The following DCAF5 variants were observed in gnomAD, a reference collection of about 807,000 sequenced individuals.
DCAF5 encodes DDB1- and CUL4-associated factor 5.
Under a neutral mutation model 80.7 loss-of-function variants are expected in DCAF5, and 9 were observed. The ratio of observed to expected loss-of-function variants is 0.11; its 90% confidence interval spans 0.07 to 0.19. DCAF5 has a LOEUF of 0.19. Among genes scored for constraint, DCAF5 ranks in the 10% least tolerant of loss-of-function variants. The probability of loss-of-function intolerance (pLI) is 1.00; values close to 1 mark genes in which losing one functional copy is unlikely to be tolerated. For synonymous variants in DCAF5, 433 were observed against 461.9 expected (o/e 0.94, Z 0.80); for missense variants, 842 against 1,205.7 (o/e 0.70, Z 4.47).
intron 1 of DCAF5, among the ~76,000 whole-genome samples, chr14:69,127,224 C>A (rs571883877): frequency 6.6e-6 from 1 of 152,308 alleles, no homozygotes; most frequent in South Asian, 2.1e-4. Flanking sequence ...ATTGCCAAAA[C>A]TTAGAAGCAA....
intron 5 of DCAF5, among the ~76,000 whole-genome samples, chr14:69,113,955 G>A (rs2040456627): frequency 6.6e-6 from 1 of 152,016 alleles, no homozygotes; most frequent in South Asian, 2.1e-4. Context: ...AGCCCTACTG[G>A]GCAACTTTTC....
Position 69,152,515 on chromosome 14 carries a change from T to G in DCAF5, c.214+250A>C. 3.9e-6 allele frequency: 2 copies of G among 513,212 alleles called. No homozygotes were observed. The highest frequency in any genetic ancestry group is 2.3e-5 in the South Asian group (1 of 43,966). 31.8% of individuals were successfully genotyped at this position (513,212 alleles called of 1,614,324 possible). A position where few individuals can be genotyped will look rare whatever the true frequency, so the allele number is the denominator to read the frequency against. ...CTTTCAGGGCAGGCATCAGGAGAGATCACTTTGCACTTGGGATAAAGCGAA... is the reference window on the plus strand; with the variant it reads ...CTTTCAGGGCAGGCATCAGGAGAGAGCACTTTGCACTTGGGATAAAGCGAA... On this transcript the variant is annotated intron_variant, in intron 1 of 8. Coordinates refer to ENST00000341516, the MANE Select transcript of DCAF5 (RefSeq NM_003861.3). The surrounding 1 kb of genome is among the most constrained non-coding windows in gnomAD (Gnocchi z 4.1).
chr14:69,076,634 A>G (rs935073381), intron 6 of DCAF5, among the ~76,000 whole-genome samples: 2 of 152,234 alleles, frequency 1.3e-5, no homozygotes, highest in African/African-American at 4.8e-5. Context: ...AGGAGGGAGA[A>G]TGAAGAGTTA....
At chr14:69,094,338 C>T (rs2039629407) in intron 5 of DCAF5, among the ~76,000 whole-genome samples, 1 of 152,186 alleles carries the variant, frequency 6.6e-6, no homozygotes, top group East Asian at 1.9e-4. Flanking sequence ...ACCCAAGCTC[C>T]CTGACCCACC....
At chr14:69,088,317 A>T (rs555105569) in intron 6 of DCAF5, among the ~76,000 whole-genome samples, 2 of 152,272 alleles carry the variant, frequency 1.3e-5, no homozygotes, top group Admixed American at 6.5e-5. Flanking sequence ...CCTCTCTGAG[A>T]CTCAGTTTAC....
intron 5 of DCAF5, among the ~76,000 whole-genome samples, chr14:69,101,354 T>G (rs1201939430): frequency 6.6e-6 from 1 of 152,250 alleles, no homozygotes; most frequent in Non-Finnish European, 1.5e-5. Flanking sequence ...ATTGAATACC[T>G]GCTGACTATC....
chr14:69,097,835 C>T (rs910164944), intron 5 of DCAF5, among the ~76,000 whole-genome samples: 4 of 151,876 alleles, frequency 2.6e-5, no homozygotes, highest in South Asian at 4.1e-4. Flanking sequence ...GTGATCTCCC[C>T]GCCTCAGCCT....
At chr14:69,121,594 A>T (rs1165501292) in intron 2 of DCAF5, among the ~76,000 whole-genome samples, 1 of 152,224 alleles carries the variant, frequency 6.6e-6, no homozygotes, top group Non-Finnish European at 1.5e-5. Context: ...GGGGAGGACT[A>T]ATGATCTTGG....
chr14:69,138,856 CA>C (rs2041268319), intron 1 of DCAF5, among the ~76,000 whole-genome samples: 1 of 152,146 alleles, frequency 6.6e-6, no homozygotes, highest in African/African-American at 2.4e-5. Flanking sequence ...ACATGAAAGA[CA>C]TTCTAGGGCC....
intron 5 of DCAF5, among the ~76,000 whole-genome samples, chr14:69,108,168 C>G (rs757158620): frequency 1.3e-5 from 2 of 152,224 alleles, no homozygotes; most frequent in African/African-American, 4.8e-5. Context: ...GAGATCCTTT[C>G]CTCTAGAAGT....
At chr14:69,101,599 T>C (rs745560240) in intron 5 of DCAF5, among the ~76,000 whole-genome samples, 4 of 152,222 alleles carry the variant, frequency 2.6e-5, no homozygotes, top group African/African-American at 4.8e-5. Context: ...AATCTGGATA[T>C]GTTAATACAG....
chr14:69,140,627 G>A (rs572569957), intron 1 of DCAF5, among the ~76,000 whole-genome samples: 1 of 152,088 alleles, frequency 6.6e-6, no homozygotes, highest in Admixed American at 6.5e-5. Flanking sequence ...CCCATAGGAA[G>A]ACTGTAAAAA....
At chr14:69,084,922 G>T in intron 6 of DCAF5, 1 of 1,425,906 alleles carries the variant, frequency 7.0e-7, no homozygotes. Context: ...CGTGTGGGTA[G>T]AACAGCCAGA....
At chr14:69,086,066 A>T (rs1256791798) in intron 6 of DCAF5, among the ~76,000 whole-genome samples, 1 of 152,206 alleles carries the variant, frequency 6.6e-6, no homozygotes. Flanking sequence ...GCATTAAAAT[A>T]TAATAGTGGG....
intron 8 of DCAF5, among the ~76,000 whole-genome samples, chr14:69,059,564 C>T (rs545819498): frequency 1.3e-4 from 20 of 152,292 alleles, no homozygotes; most frequent in African/African-American, 3.8e-4. Flanking sequence ...AACCAAGGGT[C>T]GAGACTCAGC....
intron 5 of DCAF5, among the ~76,000 whole-genome samples, chr14:69,101,430 G>A (rs1594998243): frequency 1.3e-5 from 2 of 152,180 alleles, no homozygotes; most frequent in Non-Finnish European, 2.9e-5. Context: ...GCTGTAATAA[G>A]GGGAAGATCT....
chr14:69,057,656 T>C (rs1490146726), intron 8 of DCAF5, among the ~76,000 whole-genome samples: 2 of 152,176 alleles, frequency 1.3e-5, no homozygotes, highest in Non-Finnish European at 2.9e-5. Flanking sequence ...TAAGCTGAGG[T>C]AGACTGTTCA....
In DCAF5 at chr14:69,152,747, G is replaced by C. The variant is rs748162284; in HGVS notation, c.214+18C>G. On this transcript the variant is annotated intron_variant, in intron 1 of 8. Coordinates refer to ENST00000341516, the MANE Select transcript of DCAF5 (RefSeq NM_003861.3). This position sits in a 1 kb window ranked among gnomAD's most constrained non-coding sequence, Gnocchi z 4.1. ...GAGGGTGCGGGGAGGCGCGGGGAGG[G>C]GAAGGGGGTTGATTTACCTGAGACC... 2 of 1,606,234 alleles carry C rather than the reference G, an allele frequency of 1.2e-6. No homozygotes were observed. Among genetic ancestry groups the C allele is most frequent in the Non-Finnish European group, 1.7e-6 (2 of 1,176,056 alleles).
At chr14:69,070,900 C>T (rs1190271286) in intron 7 of DCAF5, among the ~76,000 whole-genome samples, 5 of 151,846 alleles carry the variant, frequency 3.3e-5, no homozygotes, top group Admixed American at 2.6e-4. Flanking sequence ...CGGGTTCAAG[C>T]GTTTCTTCTG....
Sources: gnomAD v4.1 joint callset for allele counts (sites outside exome capture counted in the v4.1 genomes callset) on GRCh38, gnomAD v4.1.1 for gene constraint, Gnocchi (gnomAD v3.1) non-coding constraint, MANE v1.5 for transcripts, NCBI Gene and HGNC (gene_info 2026-07-23, HGNC 2026-07-21) for gene names.